OCA2: variants seen among roughly 807,000 people sequenced by gnomAD.
OCA2 encodes P protein.
OCA2 carries 77 observed loss-of-function variants against 100.2 expected under a neutral mutation model. That is an observed-to-expected ratio of 0.77 (90% CI 0.64 to 0.93). The LOEUF is 0.93. OCA2 is among the 40% of genes least tolerant of loss of function. The probability of loss-of-function intolerance (pLI) is 0.00; values close to 1 mark genes in which losing one functional copy is unlikely to be tolerated. For missense variants in OCA2, 1,062 were observed against 1,089.1 expected (o/e 0.98, Z 0.35); for synonymous variants, 432 against 439.2 (o/e 0.98, Z 0.21).
At chr15:27,827,972 T>C (rs1486734394) in intron 23 of OCA2, among the ~76,000 whole-genome samples, 1 of 152,212 alleles carries the variant, frequency 6.6e-6, no homozygotes, top group East Asian at 1.9e-4. Context: ...ACTTTTATGG[T>C]AAATTCTATA....
intron 21 of OCA2, among the ~76,000 whole-genome samples, chr15:27,870,238 G>A (rs930952067): frequency 6.6e-6 from 1 of 152,220 alleles, no homozygotes; most frequent in Non-Finnish European, 1.5e-5. Flanking sequence ...TGCGGGGAAG[G>A]GGGAGACCCT....
At chr15:28,007,390 G>C (rs2042119174) in intron 9 of OCA2, among the ~76,000 whole-genome samples, 1 of 152,210 alleles carries the variant, frequency 6.6e-6, no homozygotes, top group Non-Finnish European at 1.5e-5. Context: ...GCAAGAGTTA[G>C]GAGGATTGCT....
intron 14 of OCA2, among the ~76,000 whole-genome samples, chr15:27,974,240 CTT>C (rs1567178794): frequency 6.6e-6 from 1 of 152,160 alleles, no homozygotes. Context: ...TAATTTCAAA[CTT>C]AAGTTTTATT....
At chr15:28,004,184 C>G (rs1270347267) in intron 9 of OCA2, among the ~76,000 whole-genome samples, 1 of 152,248 alleles carries the variant, frequency 6.6e-6, no homozygotes, top group Admixed American at 6.5e-5. Flanking sequence ...CCTACGACAT[C>G]GAAAGACCTG....
chr15:28,032,732 G>A (rs544170767), intron 2 of OCA2, among the ~76,000 whole-genome samples: 1 of 149,586 alleles, frequency 6.7e-6, no homozygotes, highest in Non-Finnish European at 1.5e-5. Context: ...GGCGGAGGTT[G>A]CAGTGAGCCG....
chr15:27,946,649 T>A (rs961641775), intron 18 of OCA2, among the ~76,000 whole-genome samples: 3 of 152,222 alleles, frequency 2.0e-5, no homozygotes, highest in Non-Finnish European at 4.4e-5. Context: ...CTCCTTTACA[T>A]TTAATTCGGC....
intron 9 of OCA2, among the ~76,000 whole-genome samples, chr15:28,000,264 A>G (rs1473703317): frequency 1.3e-5 from 2 of 152,226 alleles, no homozygotes; most frequent in Non-Finnish European, 2.9e-5. Context: ...AAAGAGATAT[A>G]TAGACCAATA....
intron 21 of OCA2, among the ~76,000 whole-genome samples, chr15:27,852,043 T>C (rs941461399): frequency 6.6e-6 from 1 of 152,154 alleles, no homozygotes; most frequent in Non-Finnish European, 1.5e-5. Flanking sequence ...CCTGCTAACA[T>C]TCACAGCATG....
chr15:27,875,410 C>T (rs912259722), intron 19 of OCA2, among the ~76,000 whole-genome samples: 1 of 152,092 alleles, frequency 6.6e-6, no homozygotes, highest in Non-Finnish European at 1.5e-5. Context: ...ATTACTATAA[C>T]TTTGTAGTAG....
At chr15:27,788,835 CTATTT>C (rs1348717876) in intron 23 of OCA2, among the ~76,000 whole-genome samples, 1 of 151,930 alleles carries the variant, frequency 6.6e-6, no homozygotes, top group Non-Finnish European at 1.5e-5. Context: ...TTCTGACCTA[CTATTT>C]TAATTCCTTT....
chr15:27,997,027 AAGAGAG>A (rs1056278863), intron 9 of OCA2, among the ~76,000 whole-genome samples: 1 of 75,528 alleles, frequency 1.3e-5, no homozygotes, highest in African/African-American at 3.0e-5. Flanking sequence ...GAAAGAAAGA[AAGAGAG>A]AGAGAGAGAA....
chr15:27,812,926 TTCC>T (rs1233696260), intron 23 of OCA2, among the ~76,000 whole-genome samples: 8 of 152,134 alleles, frequency 5.3e-5, no homozygotes, highest in African/African-American at 1.4e-4. Flanking sequence ...CAGACCTCCT[TTCC>T]TCCTCCTCCC....
At chr15:27,749,322 G>A in the OCA2 span, among the ~76,000 whole-genome samples, 1 of 152,124 alleles carries the variant, frequency 6.6e-6, no homozygotes, top group Non-Finnish European at 1.5e-5. Flanking sequence ...ATTTCTCAAG[G>A]GCTGAAAGAA....
chr15:27,802,982 G>A (rs1029130123), intron 23 of OCA2, among the ~76,000 whole-genome samples: 3 of 152,214 alleles, frequency 2.0e-5, no homozygotes, highest in African/African-American at 7.2e-5. Flanking sequence ...ACAAGCCACA[G>A]ACTGGGAGAA....
intron 18 of OCA2, among the ~76,000 whole-genome samples, chr15:27,929,548 A>G (rs1402510242): frequency 6.6e-6 from 1 of 152,296 alleles, no homozygotes; most frequent in African/African-American, 2.4e-5. Flanking sequence ...GGAAGAAAAT[A>G]TAGGAAAAAA....
At chr15:28,083,085 G>T (rs1259180054) in intron 1 of OCA2, among the ~76,000 whole-genome samples, 1 of 152,188 alleles carries the variant, frequency 6.6e-6, no homozygotes, top group African/African-American at 2.4e-5. Flanking sequence ...GGCACGTGCT[G>T]GGGCTGGAGT....
chr15:27,983,529 G>A (rs761653807), intron 13 of OCA2, 46 bp from the exon 14 acceptor site: 55 of 1,605,956 alleles, frequency 3.4e-5, no homozygotes, highest in Non-Finnish European at 4.3e-5. Flanking sequence ...TATACACATC[G>A]TGAAAGGCCC....
chr15:28,065,028 C>T (rs2043983945), intron 2 of OCA2, among the ~76,000 whole-genome samples: 1 of 152,006 alleles, frequency 6.6e-6, no homozygotes, highest in African/African-American at 2.4e-5. Flanking sequence ...TCATGTTCAG[C>T]TAATGTTTTG....
rs534416313 is a variant in OCA2 at position 27,917,848 on chromosome 15, G to A, written c.2079+8279C>T. On this transcript the variant is annotated intron_variant, in intron 19 of 23. Transcript: ENST00000354638. ...CCCAGTTGATTGTCCCTTTTGGGCC[G>A]AAAAGTCTAACACTTTTCAGAAAGA... is the stretch of plus-strand genomic sequence containing the variant. Among the ~76,000 whole-genome samples, 13 of 152,200 alleles carry A rather than the reference G, an allele frequency of 8.5e-5. No individual in the cohort carries two copies. In the South Asian group the frequency reaches 2.7e-3, roughly 32 times the overall value.
Sources: allele counts gnomAD v4.1 joint callset (sites outside exome capture counted in the v4.1 genomes callset), GRCh38; gene constraint gnomAD v4.1.1; transcripts MANE v1.5; gene names NCBI Gene and HGNC (gene_info 2026-07-23, HGNC 2026-07-21).